The following HCN1 variants were observed in gnomAD, a reference collection of about 807,000 sequenced individuals.
The protein encoded by HCN1 is potassium/sodium hyperpolarization-activated cyclic nucleotide-gated channel 1.
In HCN1, 13 loss-of-function variants were observed where a neutral mutation model predicts 78.9. The ratio of observed to expected loss-of-function variants is 0.16; its 90% CI spans 0.11 to 0.26. The LOEUF (loss-of-function observed/expected upper bound fraction) is 0.26, where lower values mean the gene tolerates loss of function less well. HCN1 is among the 10% of genes least tolerant of loss of function. HCN1 has a pLI of 1.00. For missense variants in HCN1, 810 were observed against 1,154.3 expected (o/e 0.70, Z 4.32); for synonymous variants, 552 against 455.5 (o/e 1.21, Z -2.70).
At chr5:45,632,943 GGT>G (rs1480892646) in intron 2 of HCN1, among the ~76,000 whole-genome samples, 4 of 152,062 alleles carry the variant, frequency 2.6e-5, no homozygotes, top group African/African-American at 9.6e-5. Flanking sequence ...ATTTGCTGTT[GGT>G]CATGCAAGTG....
chr5:45,628,733 T>C (rs1745217363), intron 2 of HCN1, among the ~76,000 whole-genome samples: 1 of 152,086 alleles, frequency 6.6e-6, no homozygotes. Flanking sequence ...TCTAGCACCT[T>C]AGGAAGCCAA....
intron 2 of HCN1, among the ~76,000 whole-genome samples, chr5:45,568,949 C>T (rs960089084): frequency 6.6e-5 from 10 of 152,016 alleles, no homozygotes; most frequent in Non-Finnish European, 1.5e-4. Context: ...CCGAAATTCC[C>T]CTTACCCCTT....
chr5:45,602,489 A>G (rs1744645530), intron 2 of HCN1, among the ~76,000 whole-genome samples: 1 of 152,164 alleles, frequency 6.6e-6, no homozygotes, highest in Admixed American at 6.6e-5. Context: ...TTTAGCCTCC[A>G]AAACAGTGAG....
intron 2 of HCN1, among the ~76,000 whole-genome samples, chr5:45,510,775 T>G (rs755683748): frequency 6.6e-6 from 1 of 152,058 alleles, no homozygotes; most frequent in Non-Finnish European, 1.5e-5. Context: ...AAGAAGGGTA[T>G]GTCTCCTCCA....
At chr5:45,322,744 T>C (rs1431585026) in intron 5 of HCN1, among the ~76,000 whole-genome samples, 1 of 151,810 alleles carries the variant, frequency 6.6e-6, no homozygotes, top group East Asian at 1.9e-4. Context: ...TTTCAGATAT[T>C]AGAGTATTTA....
At chr5:45,286,125 A>G (rs1004902139) in intron 6 of HCN1, among the ~76,000 whole-genome samples, 8 of 152,024 alleles carry the variant, frequency 5.3e-5, no homozygotes, top group Non-Finnish European at 1.2e-4. Context: ...TATAGGAGAC[A>G]AGACATGGGA....
intron 2 of HCN1, among the ~76,000 whole-genome samples, chr5:45,476,437 TTAAG>T (rs1351221390): frequency 6.6e-6 from 1 of 152,158 alleles, no homozygotes; most frequent in Non-Finnish European, 1.5e-5. Flanking sequence ...ATGATATTGT[TTAAG>T]TAGCCCAAGA....
chr5:45,372,016 A>ATATATAATATAATTATATATATATT (rs1747383164), intron 4 of HCN1, among the ~76,000 whole-genome samples: 1 of 64,656 alleles, frequency 1.5e-5, no homozygotes, highest in Non-Finnish European at 2.5e-5. Context: ...TATATCATAT[A>ATATATAATATAATTATATATATATT]ATATATATAA....
At chr5:45,456,047 T>C (rs1023834600) in intron 3 of HCN1, among the ~76,000 whole-genome samples, 1 of 151,990 alleles carries the variant, frequency 6.6e-6, no homozygotes, top group Non-Finnish European at 1.5e-5. Flanking sequence ...AATTAGACCA[T>C]TACAGACATT....
At chr5:45,420,541 G>T (rs538312963) in intron 3 of HCN1, among the ~76,000 whole-genome samples, 2 of 152,274 alleles carry the variant, frequency 1.3e-5, no homozygotes, top group Non-Finnish European at 2.9e-5. Context: ...CTTCCGGAGA[G>T]TGATCGTGGC....
intron 3 of HCN1, among the ~76,000 whole-genome samples, chr5:45,460,336 G>C (rs533849599): frequency 2.0e-4 from 30 of 152,180 alleles, no homozygotes; most frequent in African/African-American, 7.2e-4. Context: ...GCAGCATGGT[G>C]CCACCTTAGA....
At chr5:45,336,514 T>C (rs964928554) in intron 5 of HCN1, among the ~76,000 whole-genome samples, 6 of 152,084 alleles carry the variant, frequency 3.9e-5, no homozygotes, top group African/African-American at 1.4e-4. Flanking sequence ...ACACAACTGT[T>C]ATCTGCCACT....
At chr5:45,310,803 T>C (rs1006406485) in intron 5 of HCN1, among the ~76,000 whole-genome samples, 2 of 152,066 alleles carry the variant, frequency 1.3e-5, no homozygotes, top group African/African-American at 4.8e-5. Flanking sequence ...GAACATGTGG[T>C]AAATATATAG....
At chr5:45,298,478 A>G (rs1017653132) in intron 6 of HCN1, among the ~76,000 whole-genome samples, 1 of 151,978 alleles carries the variant, frequency 6.6e-6, no homozygotes, top group Admixed American at 6.6e-5. Context: ...ATAAGAAAAA[A>G]TTTACCCACA....
Position 45,696,320 on chromosome 5 carries a change from C to A in HCN1, c.-227G>T. The A allele has an allele frequency of 6.3e-6, 1 of 158,298 alleles. No homozygotes were observed. The highest frequency in any genetic ancestry group is 1.4e-5 in the Non-Finnish European group (1 of 72,454). The allele number at this position is 158,298 out of a possible 1,614,324, so 9.8% of individuals were successfully genotyped here. A position where few individuals can be genotyped will look rare whatever the true frequency, so the allele number is the denominator to read the frequency against. ...CTGCCCTTAGTGGCTGCGGTCCGGG[C>A]TCCGGTGCGGCTGGTGCTGAAGCTG... On this transcript the variant is annotated 5_prime_UTR_variant, in exon 1 of 8. Transcript: ENST00000303230.
At chr5:45,517,454 GTA>G (rs987845274) in intron 2 of HCN1, among the ~76,000 whole-genome samples, 11 of 140,714 alleles carry the variant, frequency 7.8e-5, no homozygotes, top group African/African-American at 2.7e-4. Flanking sequence ...ATTTTCCTAC[GTA>G]TACATTATCA....
chr5:45,351,154 C>A (rs1413143786), intron 5 of HCN1, among the ~76,000 whole-genome samples: 1 of 152,114 alleles, frequency 6.6e-6, no homozygotes, highest in Admixed American at 6.5e-5. Flanking sequence ...ACCAAAACAG[C>A]ATGGTACTGA....
chr5:45,344,751 T>C lies in HCN1; in HGVS notation c.1377+8349A>G, dbSNP rs147186977. Among the ~76,000 whole-genome samples, 100 of 152,240 alleles carry C rather than the reference T, an allele frequency of 6.6e-4. 1 individual carries two copies. The East Asian group carries it at 0.012, about 18-fold the overall frequency. Reference sequence around the variant, plus strand: ...GCCTTGGGCAGCTCTATCCCTGTGGTTTTGCAGGGTACAGCCCATCTACCA... The same window carrying C: ...GCCTTGGGCAGCTCTATCCCTGTGGCTTTGCAGGGTACAGCCCATCTACCA... On this transcript the variant is annotated intron_variant, in intron 5 of 7. Transcript: ENST00000303230.
At chr5:45,495,879 T>C (rs1029354255) in intron 2 of HCN1, among the ~76,000 whole-genome samples, 5 of 152,216 alleles carry the variant, frequency 3.3e-5, no homozygotes, top group Non-Finnish European at 5.9e-5. Flanking sequence ...TGGTCTTTGG[T>C]TCTGTTTATA....
Sources: allele counts gnomAD v4.1 joint callset (sites outside exome capture counted in the v4.1 genomes callset), GRCh38; gene constraint gnomAD v4.1.1; transcripts MANE v1.5; gene names NCBI Gene and HGNC (gene_info 2026-07-23, HGNC 2026-07-21).